The following ITGA1 variants were observed in gnomAD, a reference collection of about 807,000 sequenced individuals.
ITGA1 encodes integrin alpha-1.
ITGA1 carries 85 observed loss-of-function variants against 145.9 expected under a neutral mutation model. The ratio of observed to expected loss-of-function variants is 0.58; its 90% CI spans 0.49 to 0.70. ITGA1 has a LOEUF of 0.70. Among genes scored for constraint, ITGA1 ranks in the 30% least tolerant of loss-of-function variants. The pLI, the probability that ITGA1 is intolerant of heterozygous loss-of-function variation, is 0.00. For synonymous variants in ITGA1, 520 were observed against 495.3 expected (o/e 1.05, Z -0.66); for missense variants, 1,351 against 1,418.7 (o/e 0.95, Z 0.77).
intron 6 of ITGA1, among the ~76,000 whole-genome samples, chr5:52,874,866 A>G (rs1488738245): frequency 1.3e-5 from 2 of 152,218 alleles, no homozygotes; most frequent in Admixed American, 6.5e-5. Context: ...CAGAACAATT[A>G]GTTGATCTTG....
Position 52,920,524 on chromosome 5 carries a change from T to G in ITGA1, c.2292+56T>G, listed in dbSNP as rs1750715541. ...TTCCAAATCAAGAATACAGTAGAGA[T>G]GTCTTATTTCAAGTCAATCAAATTC... On this transcript the variant is annotated intron_variant, in intron 17 of 28. Coordinates refer to ENST00000282588, the MANE Select transcript of ITGA1 (RefSeq NM_181501.2). 1.5e-5 allele frequency: 20 copies of G among 1,333,622 alleles called. No homozygotes were observed. The South Asian group carries it at 3.6e-4, about 24-fold the overall frequency. The allele number at this position is 1,333,622 out of a possible 1,614,324, so 82.6% of individuals were successfully genotyped here. A position where few individuals can be genotyped will look rare whatever the true frequency, so the allele number is the denominator to read the frequency against.
chr5:52,794,930 T>C (rs1459457017), intron 1 of ITGA1, among the ~76,000 whole-genome samples: 1 of 152,020 alleles, frequency 6.6e-6, no homozygotes, highest in Non-Finnish European at 1.5e-5. Context: ...TTCTAAAATA[T>C]TTTAAGAACT....
chr5:52,830,832 C>A (rs10940273), intron 1 of ITGA1, among the ~76,000 whole-genome samples: 38,137 of 152,060 alleles, frequency 0.25, 5,134 homozygotes, highest in Non-Finnish European at 0.3. Flanking sequence ...TGTGGAAAGG[C>A]AAACTGGGAC....
intron 9 of ITGA1, among the ~76,000 whole-genome samples, chr5:52,895,360 G>T (rs937812660): frequency 1.3e-5 from 2 of 152,080 alleles, no homozygotes; most frequent in Non-Finnish European, 2.9e-5. Flanking sequence ...TTTTTAAGTG[G>T]CTTTGGTCTC....
Position 52,788,273 on chromosome 5 carries a change from C to A in ITGA1, c.-81C>A. ...GGAACCGCGGCAGCGGGATAAGTGG[C>A]CCAGCCAGAGAGCGCAGCTCCCGCG... On this transcript the variant is annotated 5_prime_UTR_variant, in exon 1 of 29. Transcript: ENST00000282588. The A allele has an allele frequency of 1.7e-6, 2 of 1,149,404 alleles. No homozygotes were observed. The highest frequency in any genetic ancestry group is 2.3e-6 in the Non-Finnish European group (2 of 863,030). 71.2% of individuals were successfully genotyped at this position (1,149,404 alleles called of 1,614,324 possible). A position where few individuals can be genotyped will look rare whatever the true frequency, so the allele number is the denominator to read the frequency against.
intron 1 of ITGA1, among the ~76,000 whole-genome samples, chr5:52,825,639 G>A (rs1308276243): frequency 6.6e-6 from 1 of 152,084 alleles, no homozygotes; most frequent in Non-Finnish European, 1.5e-5. Flanking sequence ...TCTAAAATAG[G>A]CAGGGCACAG....
At chr5:52,868,082 G>A (rs866837695) in intron 6 of ITGA1, among the ~76,000 whole-genome samples, 6 of 152,198 alleles carry the variant, frequency 3.9e-5, no homozygotes, top group East Asian at 1.9e-4. Context: ...TGCCCATGAT[G>A]TGCTTTCTTT....
chr5:52,812,119 A>G (rs2111686836), intron 1 of ITGA1, among the ~76,000 whole-genome samples: 1 of 152,366 alleles, frequency 6.6e-6, no homozygotes, highest in East Asian at 1.9e-4. Context: ...AAAAGAGATG[A>G]ACATAGACAT....
chr5:52,880,768 A>G (rs1392342876), intron 6 of ITGA1, among the ~76,000 whole-genome samples: 1 of 152,256 alleles, frequency 6.6e-6, no homozygotes, highest in Non-Finnish European at 1.5e-5. Flanking sequence ...TCCTGAATTA[A>G]AGAGACATTC....
chr5:52,854,891 C>T (rs1010005704), intron 2 of ITGA1, among the ~76,000 whole-genome samples: 2 of 152,030 alleles, frequency 1.3e-5, no homozygotes, highest in African/African-American at 4.8e-5. Context: ...GATGTTTCTC[C>T]AGAAATGAGT....
At position 52,927,513 on chromosome 5, in the gene ITGA1, A is replaced by G. The variant is rs1341336579; in HGVS notation, c.2614-71A>G. On this transcript the variant is annotated intron_variant, in intron 19 of 28. Transcript: ENST00000282588. Reference sequence around the variant, plus strand: ...GCAGTCACCAAGACACATCTGGGAAAATTCTGAAAGAACACGTATCAATAT... The same window carrying G: ...GCAGTCACCAAGACACATCTGGGAAGATTCTGAAAGAACACGTATCAATAT... The G allele has an allele frequency of 3.7e-6, 4 of 1,082,294 alleles. No homozygotes were observed. In the Admixed American group the frequency reaches 7.9e-5, roughly 21 times the overall value. The allele number at this position is 1,082,294 out of a possible 1,614,324, so 67.0% of individuals were successfully genotyped here. A position where few individuals can be genotyped will look rare whatever the true frequency, so the allele number is the denominator to read the frequency against.
At chr5:52,912,212 A>G (rs938784896) in intron 14 of ITGA1, among the ~76,000 whole-genome samples, 3 of 144,318 alleles carry the variant, frequency 2.1e-5, no homozygotes, top group Admixed American at 7.0e-5. Context: ...TAGTATATAG[A>G]TATGATATAT....
At chr5:52,910,965 ATATACTATATATAGTATG>A (rs1561245779) in intron 14 of ITGA1, among the ~76,000 whole-genome samples, 58 of 132,044 alleles carry the variant, frequency 4.4e-4, no homozygotes, top group African/African-American at 7.7e-4. Flanking sequence ...TATACACTAT[ATATACTATATATAGTATG>A]TATACTATAT....
At chr5:52,914,646 A>G (rs1205676705) in intron 14 of ITGA1, among the ~76,000 whole-genome samples, 1 of 151,860 alleles carries the variant, frequency 6.6e-6, no homozygotes, top group Non-Finnish European at 1.5e-5. Flanking sequence ...CACCTGTTTA[A>G]GGATGAAAAA....
At chr5:52,899,104 A>T (rs1750276046) in intron 11 of ITGA1, among the ~76,000 whole-genome samples, 1 of 152,134 alleles carries the variant, frequency 6.6e-6, no homozygotes, top group Non-Finnish European at 1.5e-5. Flanking sequence ...CCCAGCTCTT[A>T]CTCACTCAAC....
At chr5:52,827,414 A>C (rs1748987046) in intron 1 of ITGA1, among the ~76,000 whole-genome samples, 2 of 152,312 alleles carry the variant, frequency 1.3e-5, no homozygotes, top group South Asian at 4.1e-4. Flanking sequence ...ACATTGTTAA[A>C]ATGACAACAA....
chr5:52,917,639 TATA>T (rs991406997), intron 15 of ITGA1, among the ~76,000 whole-genome samples: 3 of 152,024 alleles, frequency 2.0e-5, no homozygotes, highest in African/African-American at 7.2e-5. Context: ...TTCATTGTAA[TATA>T]ATGTTTTAAA....
chr5:52,934,284 A>G (rs1165013371), intron 23 of ITGA1, among the ~76,000 whole-genome samples: 1 of 151,582 alleles, frequency 6.6e-6, no homozygotes, highest in Non-Finnish European at 1.5e-5. Context: ...AGATACCACT[A>G]GAATGACTTT....
intron 7 of ITGA1, among the ~76,000 whole-genome samples, chr5:52,885,606 A>C (rs559815530): frequency 2.0e-5 from 3 of 152,330 alleles, no homozygotes; most frequent in Non-Finnish European, 4.4e-5. Context: ...AATTTGACAG[A>C]GTTTATTTGA....
Sources: gnomAD v4.1 joint callset for allele counts (sites outside exome capture counted in the v4.1 genomes callset) on GRCh38, gnomAD v4.1.1 for gene constraint, MANE v1.5 for transcripts, NCBI Gene and HGNC (gene_info 2026-07-23, HGNC 2026-07-21) for gene names.